MOB3B: variants seen among roughly 807,000 people sequenced by gnomAD.
MOB3B encodes MOB kinase activator 3B.
MOB3B carries 7 observed loss-of-function variants against 18.7 expected under a neutral mutation model. The observed-to-expected ratio is 0.37, with a 90% confidence interval of 0.21 to 0.70. The LOEUF is 0.70. MOB3B is among the 30% of genes least tolerant of loss of function. The pLI, the probability that MOB3B is intolerant of heterozygous loss-of-function variation, is 0.52. For synonymous variants in MOB3B, 111 were observed against 99.9 expected (o/e 1.11, Z -0.66); for missense variants, 253 against 281.3 (o/e 0.90, Z 0.72).
intron 1 of MOB3B, among the ~76,000 whole-genome samples, chr9:27,520,980 G>A (rs557883557): frequency 6.6e-6 from 1 of 152,272 alleles, no homozygotes; most frequent in East Asian, 1.9e-4. Context: ...GGTGGGAGAA[G>A]GACAGATGTG....
chr9:27,434,179 C>T (rs141433339), intron 2 of MOB3B, among the ~76,000 whole-genome samples: 2 of 152,148 alleles, frequency 1.3e-5, no homozygotes, highest in Admixed American at 6.6e-5. Context: ...AGGACAAATG[C>T]TGCCTTACAA....
At chr9:27,526,945 A>T (rs1318237830) in intron 1 of MOB3B, among the ~76,000 whole-genome samples, 1 of 152,210 alleles carries the variant, frequency 6.6e-6, no homozygotes, top group East Asian at 1.9e-4. Flanking sequence ...TTCTACAGGG[A>T]AATATGGCAA....
intron 1 of MOB3B, among the ~76,000 whole-genome samples, chr9:27,456,665 G>A (rs924795997): frequency 9.2e-5 from 14 of 152,068 alleles, no homozygotes; most frequent in Non-Finnish European, 1.6e-4. Context: ...CCAATGTGCC[G>A]TCCTTTATAC....
At chr9:27,522,473 G>A (rs1013720560) in intron 1 of MOB3B, among the ~76,000 whole-genome samples, 3 of 148,308 alleles carry the variant, frequency 2.0e-5, no homozygotes, top group African/African-American at 7.5e-5. Context: ...AACAAAAGTG[G>A]TATCAGCCTC....
At chr9:27,395,089 G>T (rs772810654) in intron 2 of MOB3B, among the ~76,000 whole-genome samples, 12 of 152,180 alleles carry the variant, frequency 7.9e-5, no homozygotes, top group East Asian at 1.9e-4. Context: ...ACTTTGTTTG[G>T]GGGGTGGAGA....
intron 2 of MOB3B, among the ~76,000 whole-genome samples, chr9:27,386,148 C>T (rs1187159764): frequency 1.3e-5 from 2 of 152,208 alleles, no homozygotes; most frequent in Non-Finnish European, 2.9e-5. Flanking sequence ...GTCCAAGTTT[C>T]GAGTCTGCCT....
At chr9:27,443,263 G>C (rs756671062) in intron 2 of MOB3B, among the ~76,000 whole-genome samples, 1 of 152,070 alleles carries the variant, frequency 6.6e-6, no homozygotes, top group Non-Finnish European at 1.5e-5. Context: ...GAAGCTTAAG[G>C]GTATTTGACA....
At chr9:27,438,172 G>A (rs867679519) in intron 2 of MOB3B, among the ~76,000 whole-genome samples, 6 of 152,174 alleles carry the variant, frequency 3.9e-5, no homozygotes, top group South Asian at 2.1e-4. Context: ...GAAGGTCATC[G>A]TCACCCTACC....
chr9:27,434,145 G>A (rs910628875), intron 2 of MOB3B, among the ~76,000 whole-genome samples: 12 of 152,164 alleles, frequency 7.9e-5, no homozygotes, highest in African/African-American at 2.9e-4. Flanking sequence ...ATTAGATACT[G>A]ATGTAGATTA....
chr9:27,472,408 C>G (rs1002623945), intron 1 of MOB3B, among the ~76,000 whole-genome samples: 1 of 152,038 alleles, frequency 6.6e-6, no homozygotes, highest in African/African-American at 2.4e-5. Context: ...CAAACCCCTG[C>G]GGCGAGGGCT....
intron 3 of MOB3B, among the ~76,000 whole-genome samples, chr9:27,342,304 T>C (rs1237334306): frequency 6.6e-6 from 1 of 152,228 alleles, no homozygotes; most frequent in Non-Finnish European, 1.5e-5. Flanking sequence ...CCAATATTTA[T>C]TTAATCTATA....
chr9:27,354,774 A>G (rs1230859730), intron 3 of MOB3B, among the ~76,000 whole-genome samples: 1 of 152,176 alleles, frequency 6.6e-6, no homozygotes, highest in African/African-American at 2.4e-5. Context: ...ATCCCATGGG[A>G]GTGACTGATA....
intron 3 of MOB3B, among the ~76,000 whole-genome samples, chr9:27,338,057 C>T (rs1820888476): frequency 6.6e-6 from 1 of 152,136 alleles, no homozygotes; most frequent in Non-Finnish European, 1.5e-5. Context: ...TGGAAAGGTA[C>T]TGCTGAAGAT....
chr9:27,408,181 A>G (rs1449467835), intron 2 of MOB3B, among the ~76,000 whole-genome samples: 1 of 152,190 alleles, frequency 6.6e-6, no homozygotes, highest in Non-Finnish European at 1.5e-5. Context: ...TTTTTACCCC[A>G]TGAAAGCTGC....
intron 2 of MOB3B, among the ~76,000 whole-genome samples, chr9:27,399,369 G>A (rs983215546): frequency 5.3e-5 from 8 of 152,184 alleles, no homozygotes; most frequent in South Asian, 4.1e-4. Context: ...AGGAGACGAC[G>A]AAGCACACAA....
At chr9:27,358,566 C>G (rs950273078) in intron 3 of MOB3B, among the ~76,000 whole-genome samples, 1 of 152,204 alleles carries the variant, frequency 6.6e-6, no homozygotes, top group Admixed American at 6.5e-5. Flanking sequence ...CTGTCACTAC[C>G]TCTGGAGTAA....
intron 2 of MOB3B, among the ~76,000 whole-genome samples, chr9:27,454,488 G>A (rs34040250): frequency 0.13 from 19,082 of 152,218 alleles, 1,274 homozygotes; most frequent in African/African-American, 0.17. Flanking sequence ...ATGAAGAAAT[G>A]TAAGAGGCAG....
intron 1 of MOB3B, among the ~76,000 whole-genome samples, chr9:27,465,712 C>T (rs1268720524): frequency 6.6e-6 from 1 of 152,196 alleles, no homozygotes; most frequent in Non-Finnish European, 1.5e-5. Context: ...GGGAGGTTTC[C>T]AAACCTCAAT....
At chr9:27,351,568 C>T (rs1821106004) in intron 3 of MOB3B, among the ~76,000 whole-genome samples, 1 of 152,226 alleles carries the variant, frequency 6.6e-6, no homozygotes, top group Non-Finnish European at 1.5e-5. Context: ...AAGGAAGCCG[C>T]CTGACAAGAA....
Sources: allele counts gnomAD v4.1 joint callset (sites outside exome capture counted in the v4.1 genomes callset), GRCh38; gene constraint gnomAD v4.1.1; transcripts MANE v1.5; gene names NCBI Gene and HGNC (gene_info 2026-07-23, HGNC 2026-07-21).